Variants in SORCS3 observed in about 807,000 individuals in gnomAD.
The protein encoded by SORCS3 is sortilin related VPS10 domain containing receptor 3, also known as VPS10 domain-containing receptor SorCS3.
SORCS3 carries 57 observed loss-of-function variants against 146.3 expected under a neutral mutation model. That is an observed-to-expected ratio of 0.39 (90% CI 0.31 to 0.49). SORCS3 has a LOEUF of 0.49. Among genes scored for constraint, SORCS3 ranks in the 20% least tolerant of loss-of-function variants. SORCS3 has a pLI of 0.92. For synonymous variants in SORCS3, 653 were observed against 618.5 expected (o/e 1.06, Z -0.83); for missense variants, 1,341 against 1,575.5 (o/e 0.85, Z 2.52).
intron 16 of SORCS3, among the ~76,000 whole-genome samples, chr10:105,205,112 T>C (rs932329913): frequency 1.3e-5 from 2 of 152,134 alleles, no homozygotes; most frequent in Non-Finnish European, 2.9e-5. Flanking sequence ...GTTCATTTGA[T>C]TGATCTAGGA....
chr10:104,935,745 G>T (rs561455264), intron 3 of SORCS3, among the ~76,000 whole-genome samples: 1 of 152,198 alleles, frequency 6.6e-6, no homozygotes, highest in East Asian at 1.9e-4. Context: ...CTAATGGTGG[G>T]GTGGGTTGGG....
chr10:104,865,282 G>A (rs1564701280), intron 2 of SORCS3, among the ~76,000 whole-genome samples: 1 of 152,094 alleles, frequency 6.6e-6, no homozygotes, highest in African/African-American at 2.4e-5. Flanking sequence ...AAGGCAGGCC[G>A]GAATCCACAG....
intron 3 of SORCS3, among the ~76,000 whole-genome samples, chr10:104,954,869 A>T (rs1386314884): frequency 6.6e-6 from 1 of 152,138 alleles, no homozygotes; most frequent in Non-Finnish European, 1.5e-5. Context: ...ACTTACTGCT[A>T]TTTTTTACTT....
At chr10:104,779,549 C>T (rs191704445) in intron 1 of SORCS3, among the ~76,000 whole-genome samples, 35 of 152,296 alleles carry the variant, frequency 2.3e-4, no homozygotes, top group African/African-American at 7.5e-4. Context: ...GGGGACTCCA[C>T]GGAGGAAGTG....
chr10:105,170,380 A>G (rs2056349058), intron 13 of SORCS3, among the ~76,000 whole-genome samples: 1 of 152,096 alleles, frequency 6.6e-6, no homozygotes, highest in South Asian at 2.1e-4. Context: ...TCAATGTAAT[A>G]TATCTCTTTT....
chr10:104,832,173 T>C (rs2018008042), intron 1 of SORCS3, among the ~76,000 whole-genome samples: 1 of 152,208 alleles, frequency 6.6e-6, no homozygotes. Flanking sequence ...TTTACCACTG[T>C]AGTCTTCCGT....
In SORCS3 at chr10:104,698,982, A is replaced by C. The variant is rs1271912158; in HGVS notation, c.627+57028A>C. Among the ~76,000 whole-genome samples, 8 of 152,296 alleles carry C rather than the reference A, an allele frequency of 5.3e-5. No individual in the cohort carries two copies. In the East Asian group the frequency reaches 1.5e-3, roughly 29 times the overall value. On this transcript the variant is annotated intron_variant, in intron 1 of 26. Transcript: ENST00000369701. Reference sequence around the variant, plus strand: ...GGGAAAAGGAAGACGATTCTATCACACTATAAGCTCCAAAAATTTGGGGTT... The same window carrying C: ...GGGAAAAGGAAGACGATTCTATCACCCTATAAGCTCCAAAAATTTGGGGTT...
intron 3 of SORCS3, among the ~76,000 whole-genome samples, chr10:104,975,781 G>A (rs1238548046): frequency 6.6e-6 from 1 of 152,128 alleles, no homozygotes; most frequent in Non-Finnish European, 1.5e-5. Context: ...TCTGATTTTT[G>A]ACAAACCTGA....
At chr10:105,156,501 T>G (rs1266917857) in intron 9 of SORCS3, among the ~76,000 whole-genome samples, 1 of 152,172 alleles carries the variant, frequency 6.6e-6, no homozygotes, top group African/African-American at 2.4e-5. Flanking sequence ...TGGTGAGTGC[T>G]TTGCATAGTC....
chr10:105,083,798 GTATACAGAATGCATTCGTATTTCC>G (rs1392856574), intron 5 of SORCS3, among the ~76,000 whole-genome samples: 1 of 152,164 alleles, frequency 6.6e-6, no homozygotes. Flanking sequence ...TATTGAAAAT[GTATACAGAATGCATTCGTATTTCC>G]TAAATGCTGC....
intron 1 of SORCS3, among the ~76,000 whole-genome samples, chr10:104,725,266 C>G (rs937094383): frequency 1.3e-5 from 2 of 152,212 alleles, no homozygotes; most frequent in Non-Finnish European, 2.9e-5. Context: ...GCCTGGGTAT[C>G]AGCAGCGGAG....
At chr10:104,951,715 G>A (rs1564720759) in intron 3 of SORCS3, among the ~76,000 whole-genome samples, 2 of 151,940 alleles carry the variant, frequency 1.3e-5, no homozygotes, top group South Asian at 4.2e-4. Context: ...AAGACAAAGA[G>A]GCCCAATGCA....
intron 5 of SORCS3, among the ~76,000 whole-genome samples, chr10:105,052,278 T>C (rs554721339): frequency 6.6e-6 from 1 of 152,258 alleles, no homozygotes; most frequent in East Asian, 1.9e-4. Context: ...CCTAATCCAG[T>C]GTAGCAAAAA....
intron 12 of SORCS3, among the ~76,000 whole-genome samples, chr10:105,166,434 C>T (rs994424830): frequency 7.9e-5 from 12 of 152,076 alleles, no homozygotes; most frequent in African/African-American, 2.9e-4. Flanking sequence ...AATAGTTTTC[C>T]TGTTTAAGGT....
intron 4 of SORCS3, among the ~76,000 whole-genome samples, chr10:105,021,113 CTTAG>C (rs1564736382): frequency 6.6e-6 from 1 of 152,190 alleles, no homozygotes; most frequent in Non-Finnish European, 1.5e-5. Context: ...TGTACACTTT[CTTAG>C]TTTGTTTTGT....
chr10:105,002,708 T>C (rs1372103349), intron 4 of SORCS3, among the ~76,000 whole-genome samples: 1 of 152,270 alleles, frequency 6.6e-6, no homozygotes, highest in Non-Finnish European at 1.5e-5. Flanking sequence ...CAGAAAGTTC[T>C]ACTGGACAGT....
intron 1 of SORCS3, among the ~76,000 whole-genome samples, chr10:104,823,453 G>A (rs2017899045): frequency 6.6e-6 from 1 of 151,968 alleles, no homozygotes; most frequent in Non-Finnish European, 1.5e-5. Flanking sequence ...TTTCATAAGG[G>A]ATTCCCTCCC....
At chr10:104,793,076 G>A (rs375744020) in intron 1 of SORCS3, among the ~76,000 whole-genome samples, 49 of 152,144 alleles carry the variant, frequency 3.2e-4, no homozygotes, top group African/African-American at 9.9e-4. Flanking sequence ...CTCAATTTTT[G>A]AGAAAAAGAG....
chr10:105,010,062 G>C (rs2055124462), intron 4 of SORCS3, among the ~76,000 whole-genome samples: 2 of 152,118 alleles, frequency 1.3e-5, no homozygotes, highest in Non-Finnish European at 2.9e-5. Context: ...CCCAGCTCTG[G>C]GGTGGCAGAA....
Sources: allele counts gnomAD v4.1 joint callset (sites outside exome capture counted in the v4.1 genomes callset), GRCh38; gene constraint gnomAD v4.1.1; transcripts MANE v1.5; gene names NCBI Gene and HGNC (gene_info 2026-07-23, HGNC 2026-07-21).